The following RECK variants were observed in gnomAD, a reference collection of about 807,000 sequenced individuals.
The protein encoded by RECK is reversion inducing cysteine rich protein with kazal motifs, also known as reversion-inducing cysteine-rich protein with Kazal motifs.
A neutral mutation model predicts 115.1 loss-of-function variants in RECK; 69 were observed. The ratio of observed to expected loss-of-function variants is 0.60; its 90% CI spans 0.49 to 0.73. RECK has a LOEUF of 0.73. Ranked by LOEUF, RECK falls within the 30% of genes least tolerant of loss-of-function variation. The probability of loss-of-function intolerance (pLI) is 0.00; values close to 1 mark genes in which losing one functional copy is unlikely to be tolerated. For missense variants in RECK, 1,047 were observed against 1,203.7 expected (o/e 0.87, Z 1.93); for synonymous variants, 414 against 419.7 (o/e 0.99, Z 0.17).
chr9:36,099,544 C>G (rs1383577053), intron 10 of RECK, among the ~76,000 whole-genome samples: 3 of 151,924 alleles, frequency 2.0e-5, no homozygotes, highest in Non-Finnish European at 4.4e-5. Flanking sequence ...TGGGGTATTC[C>G]TTTATTGCCC....
chr9:36,081,040 G>C (rs1274713821), intron 7 of RECK, among the ~76,000 whole-genome samples: 1 of 152,188 alleles, frequency 6.6e-6, no homozygotes, highest in Non-Finnish European at 1.5e-5. Flanking sequence ...ACTGGATAAA[G>C]TGCTCCAGGA....
chr9:36,059,529 A>G (rs1048046777), intron 3 of RECK, among the ~76,000 whole-genome samples: 14 of 152,210 alleles, frequency 9.2e-5, no homozygotes, highest in African/African-American at 3.1e-4. Context: ...TATGAAAACT[A>G]TAATAACTAA....
chr9:36,100,233 C>T (rs896530194), intron 10 of RECK, 98 bp from the exon 11 acceptor site: 21 of 949,498 alleles, frequency 2.2e-5, no homozygotes, highest in Non-Finnish European at 3.2e-5. Context: ...TTAAGAAAAC[C>T]AGATTTTTCT....
chr9:36,087,440 A>G (rs935283183), intron 8 of RECK, among the ~76,000 whole-genome samples: 3 of 152,200 alleles, frequency 2.0e-5, no homozygotes, highest in Non-Finnish European at 2.9e-5. Flanking sequence ...GAGTTGAACT[A>G]TGAGAACACA....
chr9:36,080,616 C>T lies in RECK; in HGVS notation c.417C>T (p.Phe139=). 6.2e-7 allele frequency: 1 copy of T among 1,609,004 alleles called. No homozygotes were observed. Among genetic ancestry groups the T allele is most frequent in the African/African-American group, 1.3e-5 (1 of 74,952 alleles). ...VCRKEYENAL[F]SCISRNEMGS... ...TCTTCAATTTACAGAATGCTCTTTT[C>T]AGTTGCATTAGCAGAAATGAAAGTA... Residue 139 remains phenylalanine, a synonymous_variant, in exon 7 of 21, where the codon TTC becomes TTT. Transcript: ENST00000377966.
intron 19 of RECK, among the ~76,000 whole-genome samples, chr9:36,121,299 C>A (rs1824451488): frequency 6.6e-6 from 1 of 152,112 alleles, no homozygotes; most frequent in Admixed American, 6.5e-5. Flanking sequence ...TCACTTTTTG[C>A]AAAAGTGGTT....
chr9:36,104,316 A>G (rs1587074302), intron 12 of RECK, among the ~76,000 whole-genome samples: 2 of 57,914 alleles, frequency 3.5e-5, no homozygotes, highest in African/African-American at 1.0e-4. Context: ...ATATATATAT[A>G]TATATATATA....
At chr9:36,079,938 C>T (rs1429507335) in intron 6 of RECK, among the ~76,000 whole-genome samples, 2 of 152,138 alleles carry the variant, frequency 1.3e-5, no homozygotes, top group African/African-American at 4.8e-5. Context: ...TAATTATAGT[C>T]TCAAACTCGC....
Position 36,117,171 on chromosome 9 carries a change from C to T in RECK, c.2247C>T (p.Pro749=). The T allele has an allele frequency of 4.4e-6, 7 of 1,608,706 alleles. No individual in the cohort carries two copies. The highest frequency in any genetic ancestry group is 5.9e-6 in the Non-Finnish European group (7 of 1,176,868). The part of the protein sequence containing the change: ...QRGKSLSYKG[P]CQPFCRATEP... ...GAAAAAGCCTCTCTTACAAAGGTCC[C>T]TGCCAGGTACAGTGCTTTGGCTGAC... is the stretch of plus-strand genomic sequence containing the variant. Residue 749 remains proline, a synonymous_variant, in exon 17 of 21, where the codon CCC becomes CCT. Transcript: ENST00000377966.
At position 36,112,404 on chromosome 9, in the gene RECK, A is replaced by G. The variant is rs765516627; in HGVS notation, c.1988A>G (p.Asp663Gly). The change falls in exon 16 of 21, where the codon GAC becomes GGC. Residue 663 changes from aspartate (D) to glycine (G), a missense_variant. Asp to Gly is a moderately conservative substitution (Grantham distance 94). Coordinates refer to ENST00000377966, the MANE Select transcript of RECK (RefSeq NM_021111.3). ...ACIARCVGLQ[D>G]HQFEFGSCMS... is the part of the protein sequence containing the mutation. ...ATTGCTCGCTGTGTGGGCCTCCAAG[A>G]CCATCAGTTTGAGTTTGGATCATGC... 6.2e-7 allele frequency: 1 copy of G among 1,613,932 alleles called. No homozygotes were observed. The highest frequency in any genetic ancestry group is 8.5e-7 in the Non-Finnish European group (1 of 1,180,030).
At chr9:36,084,999 G>C (rs1194782349) in intron 8 of RECK, among the ~76,000 whole-genome samples, 1 of 151,994 alleles carries the variant, frequency 6.6e-6, no homozygotes, top group African/African-American at 2.4e-5. Flanking sequence ...AGGCTGCAGT[G>C]AATTATTATT....
rs182334338 is a variant in RECK, at chr9:36,064,830, T to A, written c.358-747T>A. 9.9e-5 allele frequency among the ~76,000 whole-genome samples: 15 copies of A among 152,152 alleles called. No individual in the cohort carries two copies. In the East Asian group the frequency reaches 2.9e-3, roughly 29 times the overall value. On this transcript the variant is annotated intron_variant, in intron 5 of 20. Transcript: ENST00000377966. ...TTCTAAATTGCACTGGCCTAGGTGATAGAACAGGAAGAATGGAGCAAGGAA... is the reference window on the plus strand; with the variant it reads ...TTCTAAATTGCACTGGCCTAGGTGAAAGAACAGGAAGAATGGAGCAAGGAA...
chr9:36,121,551 A>C lies in RECK; in HGVS notation c.2557A>C (p.Ile853Leu). ...TTTCCAGGTAACAAATAAAAAGCCA[A>C]TAACAGTTCTGGAAATACTTCAGAA... ...TIAKVTNKKP[I>L]TVLEILQKIR... The change falls in exon 20 of 21, where the codon ATA (isoleucine) becomes CTA (leucine). Residue 853 changes from isoleucine to leucine, a missense_variant. Physicochemically the swap from Ile to Leu is conservative, Grantham distance 5. Coordinates refer to ENST00000377966, the MANE Select transcript of RECK (RefSeq NM_021111.3). The C allele has an allele frequency of 5.0e-6, 8 of 1,613,974 alleles. No individual in the cohort carries two copies. The highest frequency in any genetic ancestry group is 5.9e-6 in the Non-Finnish European group (7 of 1,179,896).
intron 6 of RECK, among the ~76,000 whole-genome samples, chr9:36,069,407 G>T (rs1195815522): frequency 3.3e-5 from 5 of 150,038 alleles, no homozygotes; most frequent in African/African-American, 1.2e-4. Context: ...GGGTGTGGTG[G>T]TGCACACCTG....
chr9:36,057,927 G>A (rs561432730), intron 2 of RECK, among the ~76,000 whole-genome samples: 1 of 152,066 alleles, frequency 6.6e-6, no homozygotes, highest in African/African-American at 2.4e-5. Context: ...GGCCATCAGA[G>A]AAATGCAAAT....
intron 1 of RECK, among the ~76,000 whole-genome samples, chr9:36,042,427 T>C (rs1461821256): frequency 3.3e-5 from 3 of 89,588 alleles, no homozygotes; most frequent in Non-Finnish European, 6.2e-5. Flanking sequence ...TTCCATAGTG[T>C]GTGTGTGTGT....
rs952508219 is a variant in RECK at position 36,094,639 on chromosome 9, C to T, written c.1085+3296C>T. ...ATAAACGTAAATGAACTAAAAACAT[C>T]GATTGAAAGGCAGAGGTTGTTAGAA... On this transcript the variant is annotated intron_variant, in intron 10 of 20. Transcript: ENST00000377966. The surrounding 1 kb of genome is among the most constrained non-coding windows in gnomAD (Gnocchi z 4.1). Among the ~76,000 whole-genome samples the T allele has an allele frequency of 4.6e-5, 7 of 151,998 alleles. No individual in the cohort carries two copies. The highest frequency in any genetic ancestry group is 8.8e-5 in the Non-Finnish European group (6 of 67,966).
chr9:36,108,169 G>A lies in RECK; in HGVS notation c.1765+5G>A. 6.4e-7 allele frequency: 1 copy of A among 1,574,242 alleles called. No individual in the cohort carries two copies. The highest frequency in any genetic ancestry group is 8.6e-7 in the Non-Finnish European group (1 of 1,164,530). On this transcript the variant is annotated splice_donor_5th_base_variant and intron_variant, in intron 14 of 20. Transcript: ENST00000377966. ...TTGTTGGAGGAAAAAGAAAAAGTGA[G>A]TCTTAAGCTCTGATTTTGTTTTTAA...
rs146567904 is a variant in RECK at position 36,059,211 on chromosome 9, C to T, written c.234+310C>T. Among the ~76,000 whole-genome samples the T allele has an allele frequency of 7.3e-3, 1,109 of 152,154 alleles. 12 individuals are homozygous for T. Among genetic ancestry groups the T allele is most frequent in the African/African-American group, 0.024 (989 of 41,520 alleles). On this transcript the variant is annotated intron_variant, in intron 3 of 20. Transcript: ENST00000377966. ...GTGGCTGATGCCTGTAATCCCAGCA[C>T]TTTGGGAGTCTGAGGCGGGTGGATT...
Sources: allele counts gnomAD v4.1 joint callset (sites outside exome capture counted in the v4.1 genomes callset), GRCh38; gene constraint gnomAD v4.1.1; non-coding constraint Gnocchi (gnomAD v3.1); transcripts MANE v1.5; gene names NCBI Gene and HGNC (gene_info 2026-07-23, HGNC 2026-07-21).